SNUPN: variants seen among roughly 807,000 people sequenced by gnomAD.
SNUPN encodes snurportin 1.
SNUPN carries 31 observed loss-of-function variants against 39.2 expected under a neutral mutation model. The observed-to-expected ratio is 0.79, with a 90% CI of 0.59 to 1.07. The LOEUF (loss-of-function observed/expected upper bound fraction) is 1.07, where lower values mean the gene tolerates loss of function less well. Among genes scored for constraint, SNUPN ranks in the 50% least tolerant of loss-of-function variants. The pLI, the probability that SNUPN is intolerant of heterozygous loss-of-function variation, is 0.00. For synonymous variants in SNUPN, 132 were observed against 159.0 expected, an observed-to-expected ratio of 0.83 and a Z score of 1.28; for missense variants, 382 against 434.2, an observed-to-expected ratio of 0.88 and a Z score of 1.07.
chr15:75,620,762 C>A, intron 2 of SNUPN, 132 bp downstream of exon 2: 1 of 780,896 alleles, frequency 1.3e-6, no homozygotes. Flanking sequence ...CCCTCCCAAC[C>A]TGTGGGCAAG....
Position 75,617,556 on chromosome 15 carries a change from GA to G in SNUPN, c.159-5del, listed in dbSNP as rs1466179199. ...GTTCACATAATCCAGCCGCTTGCTG[GA>G]AGGAAAAAAAAGGCATAAGGACATA... On this transcript the variant is annotated splice_polypyrimidine_tract_variant and splice_region_variant and intron_variant, in intron 2 of 8. Coordinates refer to ENST00000308588, the MANE Select transcript of SNUPN (RefSeq NM_005701.4). 8.2e-6 allele frequency: 13 copies of G among 1,590,810 alleles called. No individual in the cohort carries two copies. Among genetic ancestry groups the G allele is most frequent in the Non-Finnish European group, 1.0e-5 (12 of 1,173,734 alleles).
At chr15:75,613,723 C>A (rs1440276494) in intron 3 of SNUPN, among the ~76,000 whole-genome samples, 5 of 150,870 alleles carry the variant, frequency 3.3e-5, no homozygotes, top group Admixed American at 6.6e-5. Context: ...CAAATCAAAA[C>A]CACAAGAAAC....
intron 3 of SNUPN, among the ~76,000 whole-genome samples, chr15:75,615,594 AT>A (rs141302808): frequency 0.13 from 9,294 of 73,680 alleles, 72 homozygotes; most frequent in Non-Finnish European, 0.16. Flanking sequence ...AAGGAATCTC[AT>A]TTTTTTTTTT....
At chr15:75,608,766 T>G (rs1892694675) in intron 5 of SNUPN, among the ~76,000 whole-genome samples, 1 of 152,198 alleles carries the variant, frequency 6.6e-6, no homozygotes, top group African/African-American at 2.4e-5. Context: ...CTGCATTTAT[T>G]CTGCAACTGG....
intron 2 of SNUPN, 40 bp from the exon 3 acceptor site, chr15:75,617,592 C>CTTT: frequency 1.5e-5 from 20 of 1,338,602 alleles, no homozygotes; most frequent in Admixed American, 7.1e-5. Context: ...ATCTTTTCTT[C>CTTT]TTTTTTTTTT....
chr15:75,598,313 T>TG lies in SNUPN; in HGVS notation c.*44dup. 2.0e-6 allele frequency: 3 copies of TG among 1,501,862 alleles called. No individual in the cohort carries two copies. Among genetic ancestry groups the TG allele is most frequent in the Non-Finnish European group, 2.7e-6 (3 of 1,103,254 alleles). 93.0% of individuals were successfully genotyped at this position (1,501,862 alleles called of 1,614,324 possible). A position where few individuals can be genotyped will look rare whatever the true frequency, so the allele number is the denominator to read the frequency against. On this transcript the variant is annotated 3_prime_UTR_variant, in exon 9 of 9. Coordinates refer to ENST00000308588, the MANE Select transcript of SNUPN (RefSeq NM_005701.4). ...CTGTCCTCCTCTCCAGGATTCCTTT[T>TG]GGGGCCAGGTACCATCCTGTGGCTC...
intron 2 of SNUPN, among the ~76,000 whole-genome samples, chr15:75,619,202 T>C (rs1177985626): frequency 2.0e-5 from 3 of 151,286 alleles, no homozygotes; most frequent in Non-Finnish European, 4.4e-5. Context: ...TGTGGTGGCC[T>C]GCACCAGTGG....
chr15:75,610,119 C>T (rs1394095972), intron 3 of SNUPN, 125 bp from the exon 4 acceptor site: 15 of 738,738 alleles, frequency 2.0e-5, no homozygotes, highest in Non-Finnish European at 3.5e-5. Flanking sequence ...GGCAGAGAGC[C>T]GGGCACGGGG....
At chr15:75,609,861 A>G in intron 4 of SNUPN, 29 bp downstream of exon 4, 1 of 1,531,046 alleles carries the variant, frequency 6.5e-7, no homozygotes, top group African/African-American at 1.4e-5. Context: ...GACCAGGCCT[A>G]CTGGCATAGG....
chr15:75,601,025 C>T (rs1435823959), intron 8 of SNUPN, 113 bp downstream of exon 8: 1 of 812,534 alleles, frequency 1.2e-6, no homozygotes, highest in Admixed American at 1.8e-5. Flanking sequence ...CAGCTTTGTC[C>T]CATTCTGATG....
chr15:75,607,138 CA>C, intron 6 of SNUPN, 77 bp downstream of exon 6: 1 of 1,010,856 alleles, frequency 9.9e-7, no homozygotes, highest in Non-Finnish European at 1.6e-6. Flanking sequence ...GGTCACATAC[CA>C]AACCCACATG....
intron 3 of SNUPN, among the ~76,000 whole-genome samples, chr15:75,610,400 C>CA (rs540383128): frequency 0.012 from 757 of 60,952 alleles, 6 homozygotes; most frequent in African/African-American, 0.029. Flanking sequence ...AACTCTGTCT[C>CA]AAAAAAAAAA....
Position 75,598,300 on chromosome 15 carries a change from C to T in SNUPN, c.*58G>A. On this transcript the variant is annotated 3_prime_UTR_variant, in exon 9 of 9. Coordinates refer to ENST00000308588, the MANE Select transcript of SNUPN (RefSeq NM_005701.4). The stretch of plus-strand genomic sequence containing the variant: ...TCACCTGTTGTCACTGTCCTCCTCT[C>T]CAGGATTCCTTTTGGGGCCAGGTAC... 7.0e-7 allele frequency: 1 copy of T among 1,422,164 alleles called. No homozygotes were observed. The highest frequency in any genetic ancestry group is 2.3e-5 in the East Asian group (1 of 43,742). The allele number at this position is 1,422,164 out of a possible 1,614,324, so 88.1% of individuals were successfully genotyped here. A position where few individuals can be genotyped will look rare whatever the true frequency, so the allele number is the denominator to read the frequency against.
chr15:75,624,236 T>C (rs928743806), intron 1 of SNUPN, among the ~76,000 whole-genome samples: 2 of 150,500 alleles, frequency 1.3e-5, no homozygotes, highest in Non-Finnish European at 3.0e-5. Context: ...CGATAAAAAT[T>C]TTTAAAAAGT....
chr15:75,621,598 C>T (rs959727595), intron 1 of SNUPN, among the ~76,000 whole-genome samples: 1 of 152,138 alleles, frequency 6.6e-6, no homozygotes, highest in African/African-American at 2.4e-5. Flanking sequence ...CCTGAATAGC[C>T]ATCACTCATT....
At chr15:75,612,751 C>T (rs1892818339) in intron 3 of SNUPN, among the ~76,000 whole-genome samples, 1 of 152,060 alleles carries the variant, frequency 6.6e-6, no homozygotes, top group Admixed American at 6.6e-5. Context: ...CCCTGAAACA[C>T]CTACCCTTCC....
At chr15:75,608,007 G>A (rs952045949) in intron 5 of SNUPN, among the ~76,000 whole-genome samples, 8 of 152,180 alleles carry the variant, frequency 5.3e-5, no homozygotes, top group Admixed American at 5.2e-4. Context: ...CTGAACAGAA[G>A]GTGGGTATAA....
intron 5 of SNUPN, among the ~76,000 whole-genome samples, chr15:75,608,301 T>A (rs953066900): frequency 3.9e-5 from 6 of 152,130 alleles, no homozygotes; most frequent in African/African-American, 1.4e-4. Flanking sequence ...GAGGATCACT[T>A]GAGCCTGAGA....
At chr15:75,620,159 C>T (rs905286770) in intron 2 of SNUPN, among the ~76,000 whole-genome samples, 17 of 152,070 alleles carry the variant, frequency 1.1e-4, no homozygotes, top group African/African-American at 3.9e-4. Context: ...CTGCAAGCCA[C>T]CCAGAGCCAC....
Sources: gnomAD v4.1 joint callset for allele counts (sites outside exome capture counted in the v4.1 genomes callset) on GRCh38, gnomAD v4.1.1 for gene constraint, MANE v1.5 for transcripts, NCBI Gene and HGNC (gene_info 2026-07-23, HGNC 2026-07-21) for gene names.